The following DOCK5 variants were observed in gnomAD, a reference collection of about 807,000 sequenced individuals.
DOCK5 encodes dedicator of cytokinesis 5.
A neutral mutation model predicts 251.8 loss-of-function variants in DOCK5; 142 were observed. The ratio of observed to expected loss-of-function variants is 0.56; its 90% CI spans 0.49 to 0.65. The LOEUF is 0.65. Ranked by LOEUF, DOCK5 falls within the 30% of genes least tolerant of loss-of-function variation. The pLI is 0.00. For synonymous variants in DOCK5, 842 were observed against 835.5 expected (o/e 1.01, Z -0.13); for missense variants, 2,111 against 2,312.3 (o/e 0.91, Z 1.79).
chr8:25,324,076 A>G, intron 17 of DOCK5, 125 bp downstream of exon 17: 1 of 1,102,518 alleles, frequency 9.1e-7, no homozygotes, highest in South Asian at 1.7e-5. Context: ...GCCCATTAAC[A>G]TCTAGAAACC....
chr8:25,216,256 T>G (rs1433891202), intron 1 of DOCK5, among the ~76,000 whole-genome samples: 1 of 19,136 alleles, frequency 5.2e-5, no homozygotes, highest in African/African-American at 2.9e-4. Flanking sequence ...AATATGTATA[T>G]ATGTATACAA....
rs571499886 is a variant in DOCK5 at position 25,332,272 on chromosome 8, A to C, written c.1925A>C (p.Asn642Thr). 2 of 1,613,464 alleles carry C rather than the reference A, an allele frequency of 1.2e-6. No homozygotes were observed. Among genetic ancestry groups the C allele is most frequent in the Non-Finnish European group, 1.7e-6 (2 of 1,179,674 alleles). ...TQNVDLLGLL[N>T]WRSNSQNIKH... ...CTAGTTGACCTGTTAGGCTTGTTAA[A>C]TTGGCGTTCCAACTCCCAGAACATT... is the stretch of plus-strand genomic sequence containing the variant. Residue 642 changes from asparagine to threonine, a missense_variant, in exon 19 of 52, where the codon AAT becomes ACT. Transcript: ENST00000276440.
chr8:25,255,199 C>T (rs1803389467), intron 2 of DOCK5, among the ~76,000 whole-genome samples: 1 of 152,170 alleles, frequency 6.6e-6, no homozygotes, highest in African/African-American at 2.4e-5. Flanking sequence ...AATTTCTGTC[C>T]TTGGTATTTA....
Position 25,399,944 on chromosome 8 carries a change from C to T in DOCK5, c.4738C>T (p.Pro1580Ser), listed in dbSNP as rs756073872. Residue 1580 changes from proline to serine, a missense_variant, in exon 46 of 52, where the codon CCT becomes TCT. Coordinates refer to ENST00000276440, the MANE Select transcript of DOCK5 (RefSeq NM_024940.8). Reference sequence around the variant, plus strand: ...TACAGAAAAGTACTTGCAGGAGCATCCTGAAGACCAGGAGAAGGTTGAGCT... The same window carrying T: ...TACAGAAAAGTACTTGCAGGAGCATTCTGAAGACCAGGAGAAGGTTGAGCT... ...FFTEKYLQEH[P>S]EDQEKVELLK... 7 of 1,613,486 alleles carry T rather than the reference C, an allele frequency of 4.3e-6. No homozygotes were observed. The East Asian group carries it at 1.6e-4, about 36-fold the overall frequency.
At chr8:25,197,848 T>G (rs1801774242) in intron 1 of DOCK5, among the ~76,000 whole-genome samples, 1 of 149,640 alleles carries the variant, frequency 6.7e-6, no homozygotes, top group Admixed American at 6.9e-5. Context: ...CCTCCCTGTT[T>G]CACGCCATTC....
Position 25,261,973 on chromosome 8 carries a change from A to G in DOCK5, c.128-6872A>G, listed in dbSNP as rs796317392. Among the ~76,000 whole-genome samples, 66 of 152,312 alleles carry G rather than the reference A, an allele frequency of 4.3e-4. 1 individual carries two copies. The highest frequency in any genetic ancestry group is 1.6e-3 in the African/African-American group (66 of 41,562). On this transcript the variant is annotated intron_variant, in intron 2 of 51. Transcript: ENST00000276440. ...GCCAGGTATAACTATATTACGTATTATATATCATAGTTATAGTATAGTAAG... is the reference window on the plus strand; with the variant it reads ...GCCAGGTATAACTATATTACGTATTGTATATCATAGTTATAGTATAGTAAG...
intron 22 of DOCK5, among the ~76,000 whole-genome samples, chr8:25,339,087 A>G (rs191521224): frequency 5.3e-5 from 8 of 152,218 alleles, no homozygotes; most frequent in Non-Finnish European, 8.8e-5. Context: ...GAGACTGGCA[A>G]TGTGCGTCCC....
intron 1 of DOCK5, among the ~76,000 whole-genome samples, chr8:25,204,981 G>T (rs1801966369): frequency 6.6e-6 from 1 of 152,056 alleles, no homozygotes; most frequent in South Asian, 2.1e-4. Context: ...AGATAATTAG[G>T]TTTAGATGAG....
chr8:25,357,845 G>T (rs960160833), intron 27 of DOCK5, among the ~76,000 whole-genome samples: 8 of 152,090 alleles, frequency 5.3e-5, no homozygotes, highest in Non-Finnish European at 8.8e-5. Flanking sequence ...TATTTTCATA[G>T]CTGCATGAAT....
intron 32 of DOCK5, 61 bp downstream of exon 32, chr8:25,368,311 A>G: frequency 6.9e-7 from 1 of 1,458,220 alleles, no homozygotes; most frequent in Non-Finnish European, 9.4e-7. Context: ...ATCCCACGAT[A>G]AAGTCTTTTT....
At chr8:25,310,560 T>G in intron 13 of DOCK5, 28 bp downstream of exon 13, 4 of 1,580,050 alleles carry the variant, frequency 2.5e-6, no homozygotes, top group South Asian at 1.2e-5. Context: ...CTCACCTGTT[T>G]GCTTCCTCCT....
intron 1 of DOCK5, among the ~76,000 whole-genome samples, chr8:25,186,017 T>C (rs1220213858): frequency 6.6e-6 from 1 of 151,986 alleles, no homozygotes; most frequent in African/African-American, 2.4e-5. Flanking sequence ...TAATTTAGTC[T>C]TTGACTTTAC....
chr8:25,400,021 C>T (rs1222921732), intron 46 of DOCK5, 27 bp downstream of exon 46: 1 of 1,579,382 alleles, frequency 6.3e-7, no homozygotes, highest in Admixed American at 1.7e-5. Context: ...CTCTACACTC[C>T]CAGGGAGGCC....
At chr8:25,192,805 C>T (rs1028339205) in intron 1 of DOCK5, among the ~76,000 whole-genome samples, 1 of 152,152 alleles carries the variant, frequency 6.6e-6, no homozygotes, top group Middle Eastern at 3.2e-3. Context: ...AGCTACCACG[C>T]TCAGCCTATA....
chr8:25,335,098 G>A (rs899475739), intron 21 of DOCK5, among the ~76,000 whole-genome samples: 1 of 152,196 alleles, frequency 6.6e-6, no homozygotes, highest in African/African-American at 2.4e-5. Flanking sequence ...ACACCCACCC[G>A]TTGCCTTCCA....
intron 48 of DOCK5, 42 bp from the exon 49 acceptor site, chr8:25,407,941 T>C: frequency 6.4e-7 from 1 of 1,554,406 alleles, no homozygotes; most frequent in Non-Finnish European, 8.7e-7. Flanking sequence ...GATTGCAAGG[T>C]GATCAGTATT....
intron 20 of DOCK5, among the ~76,000 whole-genome samples, chr8:25,333,832 T>G (rs1206424757): frequency 1.3e-5 from 2 of 152,192 alleles, no homozygotes; most frequent in African/African-American, 4.8e-5. Context: ...GTCTTTGAGA[T>G]AGTCAGCTCC....
At chr8:25,407,961 TG>T (rs1258217461) in intron 48 of DOCK5, 21 bp from the exon 49 acceptor site, 2 of 1,603,334 alleles carry the variant, frequency 1.2e-6, no homozygotes, top group Admixed American at 3.4e-5. Context: ...TTGTGATGTT[TG>T]TCCTTGTTCC....
chr8:25,404,296 C>T (rs1481186188), intron 48 of DOCK5, among the ~76,000 whole-genome samples: 1 of 152,110 alleles, frequency 6.6e-6, no homozygotes, highest in African/African-American at 2.4e-5. Flanking sequence ...GAAACTCTTT[C>T]CATTTCAGAA....
Sources: allele counts gnomAD v4.1 joint callset (sites outside exome capture counted in the v4.1 genomes callset), GRCh38; gene constraint gnomAD v4.1.1; transcripts MANE v1.5; gene names NCBI Gene and HGNC (gene_info 2026-07-23, HGNC 2026-07-21).